Variants in DENND1B observed in about 807,000 individuals in gnomAD.
The protein encoded by DENND1B is DENN domain containing 1B.
Under a neutral mutation model 90.1 loss-of-function variants are expected in DENND1B, and 59 were observed. That is an observed-to-expected ratio of 0.65 (90% confidence interval 0.53 to 0.81). The LOEUF is 0.81. Among genes scored for constraint, DENND1B ranks in the 40% least tolerant of loss-of-function variants. DENND1B has a pLI of 0.00. For synonymous variants in DENND1B, 337 were observed against 324.6 expected, an observed-to-expected ratio of 1.04 and a Z score of -0.41; for missense variants, 862 against 912.6, an observed-to-expected ratio of 0.94 and a Z score of 0.71.
At chr1:197,735,865 A>C (rs1470052275) in intron 2 of DENND1B, 21 of 1,581,404 alleles carry the variant, frequency 1.3e-5, no homozygotes, top group Non-Finnish European at 1.8e-5. Context: ...CGAGCAGTCA[A>C]ATTGCAGGGG....
At chr1:197,704,598 T>C (rs552988842) in intron 3 of DENND1B, among the ~76,000 whole-genome samples, 6 of 152,274 alleles carry the variant, frequency 3.9e-5, no homozygotes, top group South Asian at 4.1e-4. Context: ...TGAAATGCCA[T>C]GTCAGTTGTC....
At chr1:197,628,002 A>G (rs914968692) in intron 10 of DENND1B, among the ~76,000 whole-genome samples, 11 of 152,302 alleles carry the variant, frequency 7.2e-5, no homozygotes, top group Non-Finnish European at 1.6e-4. Flanking sequence ...AGAACTACAA[A>G]ACACTGCTCA....
chr1:197,583,308 T>C (rs1332281523), intron 14 of DENND1B, 55 bp from the exon 15 acceptor site: 4 of 1,525,096 alleles, frequency 2.6e-6, no homozygotes, highest in Non-Finnish European at 3.6e-6. Context: ...CAGAGAGAAC[T>C]AGTCTCTTTA....
intron 2 of DENND1B, among the ~76,000 whole-genome samples, chr1:197,723,457 A>G (rs1367025576): frequency 6.6e-6 from 1 of 152,210 alleles, no homozygotes; most frequent in Non-Finnish European, 1.5e-5. Flanking sequence ...AACATCAACA[A>G]TAAAGAAGGG....
intron 15 of DENND1B, among the ~76,000 whole-genome samples, chr1:197,582,127 A>T (rs1674297814): frequency 6.6e-6 from 1 of 152,136 alleles, no homozygotes. Flanking sequence ...GGATAACCTT[A>T]ACCCTTTCCT....
chr1:197,779,261 A>T (rs1403317759), upstream of DENND1B, among the ~76,000 whole-genome samples: 1 of 152,208 alleles, frequency 6.6e-6, no homozygotes, highest in Non-Finnish European at 1.5e-5. Flanking sequence ...CTGTCTTCTA[A>T]GTTCCCTAAT....
chr1:197,514,549 T>G (rs1216140709), intron 20 of DENND1B, among the ~76,000 whole-genome samples: 1 of 151,634 alleles, frequency 6.6e-6, no homozygotes, highest in Non-Finnish European at 1.5e-5. Flanking sequence ...GATATGCTTT[T>G]GGGTATTTAT....
rs368080459 is a variant in DENND1B, at chr1:197,621,164, T to C, written c.673-3405A>G. 8.1e-4 allele frequency among the ~76,000 whole-genome samples: 122 copies of C among 151,434 alleles called. 1 individual carries two copies. The highest frequency in any genetic ancestry group is 2.8e-3 in the African/African-American group (116 of 41,436). On this transcript the variant is annotated intron_variant, in intron 10 of 22. Transcript: ENST00000620048. ...TCAGATAGAGAAGCAGAATCAATGA[T>C]GGAGAGCCTTCTAGGACACGGCAAA...
chr1:197,577,301 T>G (rs1480938776), intron 15 of DENND1B, among the ~76,000 whole-genome samples: 1 of 152,142 alleles, frequency 6.6e-6, no homozygotes, highest in Non-Finnish European at 1.5e-5. Flanking sequence ...CATTGCGGTA[T>G]AGAATATACA....
At chr1:197,674,088 T>C (rs748354411) in intron 4 of DENND1B, 32 bp downstream of exon 4, 5 of 1,463,942 alleles carry the variant, frequency 3.4e-6, no homozygotes, top group Non-Finnish European at 4.7e-6. Flanking sequence ...TATAAGAATC[T>C]ACATTTATTT....
At chr1:197,682,396 C>T (rs558825940) in intron 3 of DENND1B, among the ~76,000 whole-genome samples, 1 of 152,034 alleles carries the variant, frequency 6.6e-6, no homozygotes, top group East Asian at 1.9e-4. Flanking sequence ...TTAATGAAGA[C>T]TATTTACTTA....
At chr1:197,699,334 G>T (rs546458272) in intron 3 of DENND1B, among the ~76,000 whole-genome samples, 31 of 152,306 alleles carry the variant, frequency 2.0e-4, no homozygotes, top group Middle Eastern at 3.4e-3. Context: ...AATAGATGCA[G>T]AAAAGGCCTT....
chr1:197,775,157 G>T lies in DENND1B; in HGVS notation c.-2C>A. The T allele has an allele frequency of 7.7e-7, 1 of 1,304,462 alleles. No individual in the cohort carries two copies. The highest frequency in any genetic ancestry group is 9.8e-7 in the Non-Finnish European group (1 of 1,018,606). The allele number at this position is 1,304,462 out of a possible 1,614,324, so 80.8% of individuals were successfully genotyped here. A position where few individuals can be genotyped will look rare whatever the true frequency, so the allele number is the denominator to read the frequency against. On this transcript the variant is annotated 5_prime_UTR_variant, in exon 1 of 23. Transcript: ENST00000620048. ...CACTCACTTGGTCCTGCAGTCCATG[G>T]TTACATGTCGGTGTGGGGCTGTCCG...
At chr1:197,534,595 G>T (rs540815379) in intron 20 of DENND1B, among the ~76,000 whole-genome samples, 2 of 152,232 alleles carry the variant, frequency 1.3e-5, no homozygotes, top group East Asian at 3.9e-4. Flanking sequence ...GCTGTGCAGG[G>T]AATAGGCCTT....
intron 2 of DENND1B, chr1:197,735,279 A>G: frequency 8.6e-7 from 1 of 1,164,766 alleles, no homozygotes; most frequent in Non-Finnish European, 1.1e-6. Context: ...CAAATACTGG[A>G]GGCAGAATGG....
chr1:197,686,350 T>G (rs1401547971), intron 3 of DENND1B, among the ~76,000 whole-genome samples: 2 of 152,146 alleles, frequency 1.3e-5, no homozygotes, highest in African/African-American at 2.4e-5. Context: ...AAGTTAGACT[T>G]AACCTTAGAT....
At chr1:197,604,626 G>C (rs1676511115) in intron 13 of DENND1B, among the ~76,000 whole-genome samples, 1 of 150,910 alleles carries the variant, frequency 6.6e-6, no homozygotes, top group African/African-American at 2.4e-5. Flanking sequence ...CTTTGGTGAA[G>C]GATTTTAAAA....
At chr1:197,609,162 A>G (rs1231586917) in intron 12 of DENND1B, among the ~76,000 whole-genome samples, 1 of 150,584 alleles carries the variant, frequency 6.6e-6, no homozygotes, top group Non-Finnish European at 1.5e-5. Context: ...AATTTAAAAA[A>G]TTATCTTTTT....
chr1:197,567,714 C>T (rs1163170815), intron 15 of DENND1B, among the ~76,000 whole-genome samples: 1 of 152,018 alleles, frequency 6.6e-6, no homozygotes, highest in Non-Finnish European at 1.5e-5. Flanking sequence ...CGGCAAAAAC[C>T]TTATGATCAC....
Sources: gnomAD v4.1 joint callset for allele counts (sites outside exome capture counted in the v4.1 genomes callset) on GRCh38, gnomAD v4.1.1 for gene constraint, MANE v1.5 for transcripts, NCBI Gene and HGNC (gene_info 2026-07-23, HGNC 2026-07-21) for gene names.